FRMD4A: variants seen among roughly 807,000 people sequenced by gnomAD.
FRMD4A encodes the protein FERM domain containing 4A.
FRMD4A carries 29 observed loss-of-function variants against 129.1 expected under a neutral mutation model. That is an observed-to-expected ratio of 0.22 (90% CI 0.17 to 0.31). The LOEUF is 0.31. FRMD4A is among the 10% of genes least tolerant of loss of function. The pLI is 1.00. For synonymous variants in FRMD4A, 634 were observed against 571.6 expected (o/e 1.11, Z -1.56); for missense variants, 1,272 against 1,375.8 (o/e 0.92, Z 1.19).
At chr10:14,176,847 C>A (rs1346085116) in intron 2 of FRMD4A, among the ~76,000 whole-genome samples, 1 of 152,096 alleles carries the variant, frequency 6.6e-6, no homozygotes, top group East Asian at 1.9e-4. Context: ...TTTCATTTTT[C>A]AGTGTCAGGG....
chr10:13,782,984 A>G lies in FRMD4A; in HGVS notation c.322T>C (p.Tyr108His), dbSNP rs761061610. 1.4e-6 allele frequency: 2 copies of G among 1,455,296 alleles called. No homozygotes were observed. Among genetic ancestry groups the G allele is most frequent in the East Asian group, 4.5e-5 (2 of 44,200 alleles). The allele number at this position is 1,455,296 out of a possible 1,614,324, so 90.1% of individuals were successfully genotyped here. A position where few individuals can be genotyped will look rare whatever the true frequency, so the allele number is the denominator to read the frequency against. The change falls in exon 6 of 25, where the codon TAC becomes CAC. Residue 108 changes from tyrosine (Y) to histidine (H), a missense_variant. By Grantham distance (83) the Tyr-to-His change is moderately conservative (BLOSUM62 2). This residue lies in a region of FRMD4A where 300 missense variants were observed against 483.6 expected (regional missense o/e 0.62). Coordinates refer to ENST00000357447, the MANE Select transcript of FRMD4A (RefSeq NM_018027.5). ...TCAATGGTAGCATTATCCTTCAGGTATGAAATGCTTTCTATATAGAACCTG... is the reference window on the plus strand; with the variant it reads ...TCAATGGTAGCATTATCCTTCAGGTGTGAAATGCTTTCTATATAGAACCTG... ...CVRFYIESIS[Y>H]LKDNATIELF...
intron 2 of FRMD4A, among the ~76,000 whole-genome samples, chr10:13,864,965 T>C (rs1467734031): frequency 6.6e-6 from 1 of 152,130 alleles, no homozygotes; most frequent in East Asian, 1.9e-4. Flanking sequence ...AATGTTTTTG[T>C]TTCATTTGGG....
intron 3 of FRMD4A, among the ~76,000 whole-genome samples, chr10:13,849,379 A>G (rs7923387): frequency 0.5 from 75,664 of 151,890 alleles, 18,957 homozygotes; most frequent in East Asian, 0.62. Flanking sequence ...ACCTGCCCAC[A>G]CTACTCAGTT....
At chr10:13,961,829 CAT>C (rs2131360920) in intron 2 of FRMD4A, among the ~76,000 whole-genome samples, 1 of 152,226 alleles carries the variant, frequency 6.6e-6, no homozygotes, top group Non-Finnish European at 1.5e-5. Flanking sequence ...AATATGGAAT[CAT>C]ATTTTTTTTG....
At chr10:13,981,252 A>G (rs1394439602) in intron 2 of FRMD4A, among the ~76,000 whole-genome samples, 1 of 152,210 alleles carries the variant, frequency 6.6e-6, no homozygotes, top group Non-Finnish European at 1.5e-5. Context: ...GAAGTTGTGG[A>G]AGTCAGCACA....
At chr10:13,764,079 A>G (rs148042786) in intron 6 of FRMD4A, among the ~76,000 whole-genome samples, 2,898 of 152,276 alleles carry the variant, frequency 0.019, 40 homozygotes, top group Middle Eastern at 0.037. Context: ...CAAAAACTGC[A>G]TATGTTTAAT....
chr10:13,743,294 G>A (rs2135060640), intron 9 of FRMD4A, among the ~76,000 whole-genome samples: 1 of 152,308 alleles, frequency 6.6e-6, no homozygotes, highest in East Asian at 1.9e-4. Context: ...TAATCCTGCA[G>A]AACTGCGTCA....
intron 2 of FRMD4A, among the ~76,000 whole-genome samples, chr10:14,182,641 A>G (rs1841950915): frequency 6.6e-6 from 1 of 151,910 alleles, no homozygotes; most frequent in African/African-American, 2.4e-5. Context: ...TAACTCATGA[A>G]CTCCTTGGTA....
chr10:13,711,530 C>T (rs1305480346), intron 12 of FRMD4A, among the ~76,000 whole-genome samples: 1 of 152,244 alleles, frequency 6.6e-6, no homozygotes, highest in Non-Finnish European at 1.5e-5. Context: ...ACACAGCAGG[C>T]ACCCATAATG....
intron 3 of FRMD4A, among the ~76,000 whole-genome samples, chr10:13,839,624 C>G (rs1258745483): frequency 6.6e-6 from 1 of 152,198 alleles, no homozygotes; most frequent in Non-Finnish European, 1.5e-5. Flanking sequence ...ATGGACTTTT[C>G]CAGATTGCCA....
chr10:14,072,276 T>G (rs1835353125), intron 2 of FRMD4A, among the ~76,000 whole-genome samples: 2 of 152,292 alleles, frequency 1.3e-5, no homozygotes, highest in Admixed American at 6.5e-5. Context: ...AAATGGGGCC[T>G]TGAGAAGTCA....
intron 23 of FRMD4A, 160 bp downstream of exon 23, chr10:13,654,256 G>T: frequency 1.5e-6 from 1 of 647,776 alleles, no homozygotes; most frequent in Non-Finnish European, 2.8e-6. Context: ...GGAGTAGGCA[G>T]AGGTGACAGC....
At chr10:14,254,063 G>A (rs1019316948) in intron 2 of FRMD4A, among the ~76,000 whole-genome samples, 3 of 152,104 alleles carry the variant, frequency 2.0e-5, no homozygotes, top group Non-Finnish European at 4.4e-5. Context: ...CTGGCTCAAG[G>A]GAAAATGCTA....
At chr10:13,808,236 T>C (rs1218528667) in intron 4 of FRMD4A, among the ~76,000 whole-genome samples, 3 of 152,236 alleles carry the variant, frequency 2.0e-5, no homozygotes, top group East Asian at 3.8e-4. Context: ...GACAAATACA[T>C]GTGATACACC....
chr10:14,153,738 C>T (rs1840457586), intron 2 of FRMD4A, among the ~76,000 whole-genome samples: 1 of 152,212 alleles, frequency 6.6e-6, no homozygotes, highest in African/African-American at 2.4e-5. Flanking sequence ...CCTAGGTTCT[C>T]TGGCCAATCG....
chr10:13,837,138 T>C (rs2093889382), intron 3 of FRMD4A, among the ~76,000 whole-genome samples: 1 of 152,124 alleles, frequency 6.6e-6, no homozygotes, highest in Non-Finnish European at 1.5e-5. Context: ...TTTCCCAAAC[T>C]TACTTGACGC....
At chr10:14,321,086 A>G (rs1843028675) in intron 2 of FRMD4A, among the ~76,000 whole-genome samples, 1 of 152,084 alleles carries the variant, frequency 6.6e-6, no homozygotes, top group Admixed American at 6.5e-5. Context: ...GTCTTTTCCC[A>G]GGAGAGTGTA....
chr10:14,301,374 G>C (rs1159582635), intron 2 of FRMD4A, among the ~76,000 whole-genome samples: 1 of 152,194 alleles, frequency 6.6e-6, no homozygotes, highest in Admixed American at 6.5e-5. Context: ...TGCAATTGTT[G>C]TCAGAAGTGG....
At chr10:14,268,017 G>A (rs772790903) in intron 2 of FRMD4A, among the ~76,000 whole-genome samples, 3 of 152,126 alleles carry the variant, frequency 2.0e-5, no homozygotes, top group Admixed American at 6.6e-5. Context: ...AAAATAATAC[G>A]CCACCTATTT....
Sources: gnomAD v4.1 joint callset for allele counts (sites outside exome capture counted in the v4.1 genomes callset) on GRCh38, gnomAD v4.1.1 for gene constraint, gnomAD v4.1.1 regional missense constraint, MANE v1.5 for transcripts, NCBI Gene and HGNC (gene_info 2026-07-23, HGNC 2026-07-21) for gene names.